SCIN: variants seen among roughly 807,000 people sequenced by gnomAD.
SCIN encodes scinderin, also known as adseverin.
A neutral mutation model predicts 91.8 loss-of-function variants in SCIN; 91 were observed. The ratio of observed to expected loss-of-function variants is 0.99; its 90% CI spans 0.84 to 1.18. The LOEUF (loss-of-function observed/expected upper bound fraction) is 1.18, where lower values mean the gene tolerates loss of function less well. SCIN is among the 50% of genes most tolerant of loss of function. SCIN has a pLI of 0.00. For missense variants in SCIN, 1,087 were observed against 863.9 expected (o/e 1.26, Z -3.24); for synonymous variants, 367 against 312.6 (o/e 1.17, Z -1.84).
intron 4 of SCIN, among the ~76,000 whole-genome samples, chr7:12,611,689 G>T (rs928985006): frequency 1.3e-5 from 2 of 152,006 alleles, no homozygotes; most frequent in Non-Finnish European, 2.9e-5. Flanking sequence ...TCCCTCTCAC[G>T]ACCACTTTGT....
Position 12,625,035 on chromosome 7 carries a change from G to A in SCIN, c.785G>A (p.Arg262Lys), listed in dbSNP as rs558496141. 8 of 1,570,154 alleles carry A rather than the reference G, an allele frequency of 5.1e-6. No individual in the cohort carries two copies. In the African/African-American group the frequency reaches 9.4e-5, roughly 19 times the overall value. Reference sequence around the variant, plus strand: ...GTTTCAGATGCAAGTGGCTCCATGAGAGTGACTGTGGTGGCAGAAGAAAAC... The same window carrying A: ...GTTTCAGATGCAAGTGGCTCCATGAAAGTGACTGTGGTGGCAGAAGAAAAC... ...YMVSDASGSMRVTVVAEENPF... is the reference protein window; with the variant it reads ...YMVSDASGSMKVTVVAEENPF... Residue 262 changes from arginine to lysine, a missense_variant, in exon 6 of 16, where the codon AGA (arginine) becomes AAA (lysine). By Grantham distance (26) the Arg-to-Lys change is conservative. Coordinates refer to ENST00000297029, the MANE Select transcript of SCIN (RefSeq NM_001112706.3).
At chr7:12,606,463 C>G (rs1031875059) in intron 4 of SCIN, among the ~76,000 whole-genome samples, 1 of 152,100 alleles carries the variant, frequency 6.6e-6, no homozygotes, top group South Asian at 2.1e-4. Flanking sequence ...TATGAAATAA[C>G]TTTATGTATT....
Position 12,625,063 on chromosome 7 carries a change from C to A in SCIN, c.813C>A (p.Pro271=). The A allele has an allele frequency of 6.3e-7, 1 of 1,594,264 alleles. No individual in the cohort carries two copies. Among genetic ancestry groups the A allele is most frequent in the East Asian group, 2.3e-5 (1 of 44,208 alleles). The part of the protein sequence containing the change: ...MRVTVVAEEN[P]FSMAMLLSEE... ...TGACTGTGGTGGCAGAAGAAAACCCCTTCTCAATGGCAATGCTGCTGTCTG... is the reference window on the plus strand; with the variant it reads ...TGACTGTGGTGGCAGAAGAAAACCCATTCTCAATGGCAATGCTGCTGTCTG... Residue 271 remains proline, a synonymous_variant, in exon 6 of 16, where the codon CCC becomes CCA. Transcript: ENST00000297029.
At chr7:12,630,937 A>G (rs940203603) in intron 9 of SCIN, among the ~76,000 whole-genome samples, 2 of 152,222 alleles carry the variant, frequency 1.3e-5, no homozygotes, top group African/African-American at 4.8e-5. Flanking sequence ...TATAGGGATA[A>G]ATTAATTATT....
rs1784173331 is a variant in SCIN at position 12,656,913 on chromosome 7, C to T, written c.*4198C>T. The T allele has an allele frequency of 6.6e-6, 1 of 151,116 alleles. No individual in the cohort carries two copies. Among genetic ancestry groups the T allele is most frequent in the Admixed American group, 6.6e-5 (1 of 15,132 alleles). 9.4% of individuals were successfully genotyped at this position (151,116 alleles called of 1,614,324 possible). ...CCAGCCTGCGTGACGATGAGAGTCTCCGTCTCGGGGGAAGAAAAAAAAAAC... is the reference window on the plus strand; with the variant it reads ...CCAGCCTGCGTGACGATGAGAGTCTTCGTCTCGGGGGAAGAAAAAAAAAAC... On this transcript the variant is annotated 3_prime_UTR_variant, in exon 16 of 16. Transcript: ENST00000297029.
chr7:12,651,961 G>T lies in SCIN; in HGVS notation c.2020+60G>T. The stretch of plus-strand genomic sequence containing the variant: ...CGGGCACCATTATGACCGAGTGTCT[G>T]GCTTGCTCTTTGCCACCATGTCTTA... On this transcript the variant is annotated intron_variant, in intron 15 of 15. Transcript: ENST00000297029. This position sits in a 1 kb window ranked among gnomAD's most constrained non-coding sequence, Gnocchi z 5.9. The T allele has an allele frequency of 8.5e-7, 1 of 1,178,396 alleles. No individual in the cohort carries two copies. The highest frequency in any genetic ancestry group is 1.2e-6 in the Non-Finnish European group (1 of 815,810). The allele number at this position is 1,178,396 out of a possible 1,614,324, so 73.0% of individuals were successfully genotyped here. A position where few individuals can be genotyped will look rare whatever the true frequency, so the allele number is the denominator to read the frequency against.
chr7:12,581,254 GAA>G (rs113802755), intron 3 of SCIN, 33 bp downstream of exon 3: 1 of 1,540,252 alleles, frequency 6.5e-7, no homozygotes, highest in African/African-American at 1.4e-5. Context: ...GATGTCTAAA[GAA>G]AAGTGAATTG....
At chr7:12,614,654 A>G (rs849792) in intron 4 of SCIN, among the ~76,000 whole-genome samples, 14,792 of 152,200 alleles carry the variant, frequency 0.097, 761 homozygotes, top group Middle Eastern at 0.16. Context: ...TAGCCCTCAG[A>G]AGGCTGAGTG....
intron 9 of SCIN, among the ~76,000 whole-genome samples, chr7:12,630,005 T>A (rs1458881958): frequency 6.6e-6 from 1 of 151,854 alleles, no homozygotes; most frequent in Non-Finnish European, 1.5e-5. Flanking sequence ...ATGTGGGCTG[T>A]GGGCGTAAGG....
intron 4 of SCIN, among the ~76,000 whole-genome samples, chr7:12,605,234 G>A (rs1036582131): frequency 3.9e-5 from 6 of 151,986 alleles, no homozygotes; most frequent in African/African-American, 1.5e-4. Flanking sequence ...TGTATTTTTG[G>A]TAGACGCAGG....
At chr7:12,578,359 A>T (rs896030963) in intron 2 of SCIN, 141 bp downstream of exon 2, 1 of 663,788 alleles carries the variant, frequency 1.5e-6, no homozygotes, top group Non-Finnish European at 2.3e-6. Flanking sequence ...TTGTTCATGG[A>T]TATATCCCCA....
intron 4 of SCIN, among the ~76,000 whole-genome samples, chr7:12,618,126 T>G (rs1311030438): frequency 6.6e-6 from 1 of 152,136 alleles, no homozygotes; most frequent in Non-Finnish European, 1.5e-5. Context: ...CCTCTAGGGC[T>G]GCACTCTGTG....
At chr7:12,598,746 A>C (rs1053912857) in intron 3 of SCIN, among the ~76,000 whole-genome samples, 3 of 152,088 alleles carry the variant, frequency 2.0e-5, no homozygotes, top group African/African-American at 7.2e-5. Flanking sequence ...CAAAAAACAA[A>C]AAAACAAAAA....
intron 13 of SCIN, among the ~76,000 whole-genome samples, chr7:12,646,506 G>C (rs1783968391): frequency 6.6e-6 from 1 of 152,150 alleles, no homozygotes; most frequent in Non-Finnish European, 1.5e-5. Flanking sequence ...TAGGGGTTTA[G>C]CATAGGAATT....
At chr7:12,582,082 G>A (rs1040845690) in intron 3 of SCIN, among the ~76,000 whole-genome samples, 4 of 152,152 alleles carry the variant, frequency 2.6e-5, no homozygotes, top group East Asian at 1.9e-4. Context: ...TGGGCCAAAC[G>A]TTGTAACGGA....
At chr7:12,605,727 G>A (rs1783069007) in intron 4 of SCIN, among the ~76,000 whole-genome samples, 1 of 152,138 alleles carries the variant, frequency 6.6e-6, no homozygotes, top group Admixed American at 6.5e-5. Flanking sequence ...TTGGATTAGG[G>A]ATGCTCAACT....
intron 1 of SCIN, among the ~76,000 whole-genome samples, chr7:12,574,100 G>A (rs1361986963): frequency 6.6e-6 from 1 of 152,160 alleles, no homozygotes; most frequent in African/African-American, 2.4e-5. Flanking sequence ...GTACCTGAAT[G>A]TCCACAGCAG....
intron 4 of SCIN, among the ~76,000 whole-genome samples, chr7:12,618,018 G>T (rs1025957812): frequency 6.6e-6 from 1 of 151,944 alleles, no homozygotes; most frequent in Non-Finnish European, 1.5e-5. Flanking sequence ...TTATGAGTTT[G>T]ACCCTTCAAC....
At chr7:12,637,721 G>A (rs955699453) in intron 10 of SCIN, among the ~76,000 whole-genome samples, 2 of 152,018 alleles carry the variant, frequency 1.3e-5, no homozygotes, top group African/African-American at 2.4e-5. Flanking sequence ...TTTTACTTGG[G>A]TATTTCTGAA....
Sources: allele counts gnomAD v4.1 joint callset (sites outside exome capture counted in the v4.1 genomes callset), GRCh38; gene constraint gnomAD v4.1.1; non-coding constraint Gnocchi (gnomAD v3.1); transcripts MANE v1.5; gene names NCBI Gene and HGNC (gene_info 2026-07-23, HGNC 2026-07-21).